Variants in CILK1 observed in about 807,000 individuals in gnomAD.
CILK1 encodes serine/threonine-protein kinase ICK.
A neutral mutation model predicts 79.2 loss-of-function variants in CILK1; 47 were observed. The ratio of observed to expected loss-of-function variants is 0.59; its 90% CI spans 0.47 to 0.76. The LOEUF is 0.76. Among genes scored for constraint, CILK1 ranks in the 30% least tolerant of loss-of-function variants. CILK1 has a pLI of 0.00. For synonymous variants in CILK1, 266 were observed against 275.9 expected (o/e 0.96, Z 0.36); for missense variants, 660 against 769.5 (o/e 0.86, Z 1.68).
intron 5 of CILK1, among the ~76,000 whole-genome samples, chr6:53,026,061 A>C (rs1765551488): frequency 6.6e-6 from 1 of 152,192 alleles, no homozygotes; most frequent in Non-Finnish European, 1.5e-5. Context: ...CCTGTGCCTT[A>C]GTTTTCTTAT....
At chr6:53,045,591 A>T (rs1237737587) in intron 1 of CILK1, among the ~76,000 whole-genome samples, 1 of 152,210 alleles carries the variant, frequency 6.6e-6, no homozygotes, top group Non-Finnish European at 1.5e-5. Flanking sequence ...CATGTTTAAG[A>T]TAGGCTAGGC....
chr6:53,055,814 T>C (rs1354120643), intron 1 of CILK1, among the ~76,000 whole-genome samples: 2 of 152,056 alleles, frequency 1.3e-5, no homozygotes, highest in Admixed American at 6.5e-5. Flanking sequence ...CTAGGACACA[T>C]AGTTGGCTTT....
chr6:53,048,818 G>A (rs904326374), intron 1 of CILK1, among the ~76,000 whole-genome samples: 1 of 152,184 alleles, frequency 6.6e-6, no homozygotes, highest in Non-Finnish European at 1.5e-5. Context: ...TCTAAGCCAA[G>A]CAAAGGAATT....
chr6:53,030,358 A>G (rs1456095723), intron 5 of CILK1, among the ~76,000 whole-genome samples: 1 of 152,216 alleles, frequency 6.6e-6, no homozygotes, highest in Admixed American at 6.5e-5. Flanking sequence ...GGGTCCATGA[A>G]AAAAGCTTCT....
chr6:53,014,035 C>T, intron 8 of CILK1, 53 bp from the exon 9 acceptor site: 2 of 1,381,308 alleles, frequency 1.4e-6, no homozygotes, highest in African/African-American at 1.4e-5. Context: ...AAAGTTACCA[C>T]TGTCTTGATT....
chr6:53,037,029 G>C (rs1766385828), intron 3 of CILK1, among the ~76,000 whole-genome samples: 1 of 152,118 alleles, frequency 6.6e-6, no homozygotes, highest in South Asian at 2.1e-4. Context: ...GAAAACGTTT[G>C]CTGATCCCTG....
intron 5 of CILK1, among the ~76,000 whole-genome samples, chr6:53,029,763 AAGGGCTTCCACCC>A (rs1765808254): frequency 6.6e-6 from 1 of 152,232 alleles, no homozygotes; most frequent in South Asian, 2.1e-4. Context: ...TATATTATCA[AAGGGCTTCCACCC>A]AGTCTCCTTG....
rs748477339 is a variant in CILK1, at chr6:53,013,705, C to T, written c.1109G>A (p.Ser370Asn). The change falls in exon 9 of 14, where the codon AGC (serine) becomes AAC (asparagine). Residue 370 changes from serine to asparagine, a missense_variant. Coordinates refer to ENST00000676107, the MANE Select transcript of CILK1 (RefSeq NM_014920.5). ...GTGGAGGGATGGGAAAAGCAACGGG[C>T]TTGGCTTGTCCTCCTGGAGATGGCT... is the stretch of plus-strand genomic sequence containing the variant. ...HPSHLQEDKP[S>N]PLLFPSLHNK... 2 of 1,584,186 alleles carry T rather than the reference C, an allele frequency of 1.3e-6. No homozygotes were observed. The highest frequency in any genetic ancestry group is 1.7e-5 in the Admixed American group (1 of 59,580).
chr6:53,005,461 C>T (rs147900990), intron 13 of CILK1, among the ~76,000 whole-genome samples, 158 bp from the exon 14 acceptor site: 12 of 152,276 alleles, frequency 7.9e-5, no homozygotes, highest in Admixed American at 2.6e-4. Context: ...TTAAAGACAT[C>T]GTTTTAAAGT....
At chr6:53,012,004 C>T (rs2127408256) in intron 10 of CILK1, 33 bp downstream of exon 10, 1 of 1,613,954 alleles carries the variant, frequency 6.2e-7, no homozygotes, top group Non-Finnish European at 8.5e-7. Context: ...ATTCCAGATT[C>T]AGTCTGTTTA....
At chr6:53,026,027 AC>A (rs1338179117) in intron 5 of CILK1, among the ~76,000 whole-genome samples, 1 of 152,228 alleles carries the variant, frequency 6.6e-6, no homozygotes, top group Admixed American at 6.5e-5. Flanking sequence ...TCTGTTACTC[AC>A]TGGCTGAAAA....
At chr6:53,027,837 C>T (rs1273754575) in intron 5 of CILK1, among the ~76,000 whole-genome samples, 2 of 152,070 alleles carry the variant, frequency 1.3e-5, no homozygotes, top group Non-Finnish European at 2.9e-5. Flanking sequence ...AAAACCCCAT[C>T]TCTACTAAAA....
intron 5 of CILK1, among the ~76,000 whole-genome samples, chr6:53,027,603 T>G (rs928457925): frequency 6.6e-6 from 1 of 152,178 alleles, no homozygotes; most frequent in Non-Finnish European, 1.5e-5. Context: ...CTTTAAGTAC[T>G]TTTTTTCCAT....
chr6:53,027,129 G>GT (rs1182402350), intron 5 of CILK1, among the ~76,000 whole-genome samples: 1 of 152,190 alleles, frequency 6.6e-6, no homozygotes, highest in Non-Finnish European at 1.5e-5. Flanking sequence ...AACCTACAAT[G>GT]TTTTTATCAA....
intron 1 of CILK1, among the ~76,000 whole-genome samples, chr6:53,044,143 C>T (rs879877176): frequency 5.3e-5 from 8 of 152,158 alleles, no homozygotes; most frequent in Non-Finnish European, 7.3e-5. Flanking sequence ...CAGGGGTCCC[C>T]AAACCCAGGG....
chr6:53,029,469 G>T (rs188462517), intron 5 of CILK1, among the ~76,000 whole-genome samples: 111 of 152,326 alleles, frequency 7.3e-4, no homozygotes, highest in South Asian at 4.4e-3. Context: ...TGTGCCTGAG[G>T]CAGACTAGGA....
rs909478961 is a variant in CILK1, at chr6:53,004,479, A to T, written c.*670T>A. The T allele has an allele frequency of 3.9e-5, 6 of 152,260 alleles. No individual in the cohort carries two copies. The highest frequency in any genetic ancestry group is 4.8e-5 in the African/African-American group (2 of 41,472). 9.4% of individuals were successfully genotyped at this position (152,260 alleles called of 1,614,324 possible). On this transcript the variant is annotated 3_prime_UTR_variant, in exon 14 of 14. Coordinates refer to ENST00000676107, the MANE Select transcript of CILK1 (RefSeq NM_014920.5). ...TTAAAGGGTGTCAGAAAAATTTTTT[A>T]AAATGTATTTACTTAGAGTTCTTTC...
rs1764068176 is a variant in CILK1, at chr6:53,003,839, G to A, written c.*1310C>T. ...TATGAATCAATACACTGTTGAGATTGCATTGCGTTCACTGATGGTGACCTT... is the reference window on the plus strand; with the variant it reads ...TATGAATCAATACACTGTTGAGATTACATTGCGTTCACTGATGGTGACCTT... On this transcript the variant is annotated 3_prime_UTR_variant, in exon 14 of 14. Coordinates refer to ENST00000676107, the MANE Select transcript of CILK1 (RefSeq NM_014920.5). 1 of 152,664 alleles carries A rather than the reference G, an allele frequency of 6.6e-6. No homozygotes were observed. The highest frequency in any genetic ancestry group is 1.5e-5 in the Non-Finnish European group (1 of 68,056). 9.5% of individuals were successfully genotyped at this position (152,664 alleles called of 1,614,324 possible). A position where few individuals can be genotyped will look rare whatever the true frequency, so the allele number is the denominator to read the frequency against.
intron 11 of CILK1, 100 bp from the exon 12 acceptor site, chr6:53,009,667 C>G (rs1581942703): frequency 2.0e-6 from 2 of 1,015,762 alleles, no homozygotes; most frequent in African/African-American, 3.2e-5. Flanking sequence ...GTCAAAAACT[C>G]TCTATGATAC....
Sources: allele counts gnomAD v4.1 joint callset (sites outside exome capture counted in the v4.1 genomes callset), GRCh38; gene constraint gnomAD v4.1.1; transcripts MANE v1.5; gene names NCBI Gene and HGNC (gene_info 2026-07-23, HGNC 2026-07-21).